KCNMA1: variants seen among roughly 807,000 people sequenced by gnomAD.
KCNMA1 encodes the protein potassium calcium-activated channel subfamily M alpha 1.
Under a neutral mutation model 140.0 loss-of-function variants are expected in KCNMA1, and 29 were observed. That is an observed-to-expected ratio of 0.21 (90% CI 0.15 to 0.28). KCNMA1 has a LOEUF of 0.28. Among genes scored for constraint, KCNMA1 ranks in the 10% least tolerant of loss-of-function variants. The pLI, the probability that KCNMA1 is intolerant of heterozygous loss-of-function variation, is 1.00. For missense variants in KCNMA1, 880 were observed against 1,602.2 expected (o/e 0.55, Z 7.70); for synonymous variants, 612 against 611.9 (o/e 1.00, Z 0.00).
intron 29 of KCNMA1, among the ~76,000 whole-genome samples, chr10:76,879,191 C>T (rs1470184485): frequency 6.6e-6 from 1 of 152,108 alleles, no homozygotes; most frequent in Non-Finnish European, 1.5e-5. Flanking sequence ...TCAGTTCCTA[C>T]TTCTGCTGTT....
intron 3 of KCNMA1, among the ~76,000 whole-genome samples, chr10:77,219,165 C>T (rs570366934): frequency 1.3e-5 from 2 of 152,240 alleles, no homozygotes; most frequent in East Asian, 3.9e-4. Flanking sequence ...CACAGACATG[C>T]TTAATAAATT....
At position 77,200,611 on chromosome 10, in the gene KCNMA1, G is replaced by A. The variant is rs146942060; in HGVS notation, c.603-15695C>T. On this transcript the variant is annotated intron_variant, in intron 3 of 27. Transcript: ENST00000286628. ...CTATTGCAGGAATCTGTGTCATGAA[G>A]AAATGACAGCACATGTCTCTTAATC... Among the ~76,000 whole-genome samples, 171 of 150,790 alleles carry A rather than the reference G, an allele frequency of 1.1e-3. 2 individuals carry two copies. Among genetic ancestry groups the A allele is most frequent in the African/African-American group, 3.7e-3 (151 of 41,034 alleles).
chr10:77,351,243 G>C (rs564891836), intron 2 of KCNMA1, among the ~76,000 whole-genome samples: 14 of 152,112 alleles, frequency 9.2e-5, no homozygotes, highest in Non-Finnish European at 1.6e-4. Flanking sequence ...AAGACTAAAG[G>C]TCAAGGGACA....
Position 77,112,382 on chromosome 10 carries a change from G to C in KCNMA1, c.945C>G (p.Ala315=), listed in dbSNP as rs79713097. Residue 315 remains alanine (A), a synonymous_variant, in exon 7 of 28, where the codon GCC becomes GCG. Coordinates refer to ENST00000286628, the MANE Select transcript of KCNMA1 (RefSeq NM_001161352.2). ...GGTTACTCACCAAATGGATGAACCC[G>C]GCTGCAGTCAGCCACGTGCTGATAA... ...SIFISTWLTA[A]GFIHLVENSG... The C allele has an allele frequency of 6.2e-7, 1 of 1,613,582 alleles. No individual in the cohort carries two copies.
At chr10:77,442,690 T>C (rs2097433658) in intron 1 of KCNMA1, among the ~76,000 whole-genome samples, 1 of 152,148 alleles carries the variant, frequency 6.6e-6, no homozygotes, top group Non-Finnish European at 1.5e-5. Flanking sequence ...GGGGTGTTAC[T>C]GGCAGCTTTT....
chr10:77,161,210 T>C (rs776904426), intron 5 of KCNMA1, among the ~76,000 whole-genome samples: 37 of 152,150 alleles, frequency 2.4e-4, no homozygotes, highest in Non-Finnish European at 4.4e-4. Flanking sequence ...GTGAGAAGGA[T>C]GGGTAGGATT....
intron 1 of KCNMA1, among the ~76,000 whole-genome samples, chr10:77,505,923 A>G (rs1452440686): frequency 6.6e-6 from 1 of 152,196 alleles, no homozygotes; most frequent in Non-Finnish European, 1.5e-5. Flanking sequence ...GCAAGCAGCA[A>G]TGGAAGCCTG....
intron 3 of KCNMA1, among the ~76,000 whole-genome samples, chr10:77,195,591 T>A (rs1315583857): frequency 6.6e-6 from 1 of 152,144 alleles, no homozygotes; most frequent in Non-Finnish European, 1.5e-5. Context: ...CCTTCTTGCT[T>A]CTAATTAACA....
At chr10:77,121,958 G>A (rs940891967) in intron 5 of KCNMA1, among the ~76,000 whole-genome samples, 3 of 152,164 alleles carry the variant, frequency 2.0e-5, no homozygotes, top group African/African-American at 7.2e-5. Context: ...CACTCCCAAG[G>A]GGATTTTCTT....
At chr10:76,930,755 A>ATGGTC (rs1475143122) in intron 23 of KCNMA1, among the ~76,000 whole-genome samples, 1 of 152,158 alleles carries the variant, frequency 6.6e-6, no homozygotes, top group Admixed American at 6.5e-5. Flanking sequence ...TAAAGAAAAT[A>ATGGTC]TGGTCTGTGT....
intron 1 of KCNMA1, among the ~76,000 whole-genome samples, chr10:77,632,936 G>A (rs2093363392): frequency 6.6e-6 from 1 of 152,232 alleles, no homozygotes; most frequent in Admixed American, 6.5e-5. Context: ...GGCAGTCAAA[G>A]ATGCCCTGCT....
intron 1 of KCNMA1, among the ~76,000 whole-genome samples, chr10:77,592,284 G>A (rs958817958): frequency 1.3e-5 from 2 of 152,130 alleles, no homozygotes; most frequent in South Asian, 2.1e-4. Context: ...AAGGAAAGAC[G>A]AGTCACAAAA....
At chr10:77,282,723 T>TCTGATAAGAAACACAGGTGG (rs141764980) in intron 2 of KCNMA1, among the ~76,000 whole-genome samples, 27,021 of 151,606 alleles carry the variant, frequency 0.18, 2,888 homozygotes, top group Admixed American at 0.25. Context: ...AGATAGAAGC[T>TCTGATAAGAAACACAGGTGG]CTGATAAGAA....
intron 1 of KCNMA1, among the ~76,000 whole-genome samples, chr10:77,460,531 G>GCGCA (rs113652294): frequency 6.8e-6 from 1 of 147,836 alleles, no homozygotes; most frequent in African/African-American, 2.5e-5. Flanking sequence ...GTACACACGT[G>GCGCA]CACACACACA....
chr10:77,632,828 T>A (rs2154571364), intron 1 of KCNMA1, among the ~76,000 whole-genome samples: 1 of 152,318 alleles, frequency 6.6e-6, no homozygotes, highest in South Asian at 2.1e-4. Context: ...ATTTGCAGGG[T>A]GCTATGTGCC....
At chr10:77,118,951 G>T (rs184532266) in intron 6 of KCNMA1, among the ~76,000 whole-genome samples, 215 of 152,320 alleles carry the variant, frequency 1.4e-3, no homozygotes, top group Non-Finnish European at 2.2e-3. Flanking sequence ...TTGTGGGTTT[G>T]TGGCAAAAAG....
At position 76,887,471 on chromosome 10, in the gene KCNMA1, G is replaced by A. The variant is rs200284976; in HGVS notation, c.3506C>T (p.Thr1169Met). 12 of 1,614,122 alleles carry A rather than the reference G, an allele frequency of 7.4e-6. No homozygotes were observed. Among genetic ancestry groups the A allele is most frequent in the South Asian group, 2.2e-5 (2 of 91,074 alleles). Residue 1169 changes from threonine to methionine, a missense_variant, in exon 28 of 28, where the codon ACG becomes ATG. By Grantham distance (81) the Thr-to-Met change is moderately conservative. This residue lies in a region of KCNMA1 where 115 missense variants were observed against 139.9 expected (regional missense o/e 0.82). Transcript: ENST00000286628. The stretch of plus-strand genomic sequence containing the variant: ...CTGCATTAAGCAGAAGATCAGGTCC[G>A]TCGGCACGAGCTCAAACTCATAGGG... ...NPPYEFELVP[T>M]DLIFCLMQFD...
Position 77,500,446 on chromosome 10 carries a change from G to T in KCNMA1, c.379-96423C>A, listed in dbSNP as rs370245633. 6.8e-4 allele frequency among the ~76,000 whole-genome samples: 104 copies of T among 152,262 alleles called. 1 individual carries two copies. Among genetic ancestry groups the T allele is most frequent in the African/African-American group, 2.5e-3 (102 of 41,538 alleles). On this transcript the variant is annotated intron_variant, in intron 1 of 27. Transcript: ENST00000286628. ...CAGGATCACTTGAGGCCAGGAGTTTGAAACCAGCCAGGGCAATATAGTGAG... is the reference window on the plus strand; with the variant it reads ...CAGGATCACTTGAGGCCAGGAGTTTTAAACCAGCCAGGGCAATATAGTGAG...
chr10:77,158,875 C>A (rs186256953), intron 5 of KCNMA1, among the ~76,000 whole-genome samples: 1 of 152,208 alleles, frequency 6.6e-6, no homozygotes, highest in Non-Finnish European at 1.5e-5. Context: ...CCAGCCAATG[C>A]GTAAGTGTAA....
Sources: gnomAD v4.1 joint callset for allele counts (sites outside exome capture counted in the v4.1 genomes callset) on GRCh38, gnomAD v4.1.1 for gene constraint, gnomAD v4.1.1 regional missense constraint, MANE v1.5 for transcripts, NCBI Gene and HGNC (gene_info 2026-07-23, HGNC 2026-07-21) for gene names.